CDH23: variants seen among roughly 807,000 people sequenced by gnomAD.
CDH23 encodes the protein cadherin-23.
In CDH23, 189 loss-of-function variants were observed where a neutral mutation model predicts 317.1. The observed-to-expected ratio is 0.60, with a 90% CI of 0.53 to 0.67. The LOEUF (loss-of-function observed/expected upper bound fraction) is 0.67, where lower values mean the gene tolerates loss of function less well. Ranked by LOEUF, CDH23 falls within the 30% of genes least tolerant of loss-of-function variation. CDH23 has a pLI of 0.00. For synonymous variants in CDH23, 1,839 were observed against 1,876.8 expected, an observed-to-expected ratio of 0.98 and a Z score of 0.52; for missense variants, 4,401 against 4,592.4, an observed-to-expected ratio of 0.96 and a Z score of 1.20.
At chr10:71,743,718 A>C (rs984721628) in intron 38 of CDH23, among the ~76,000 whole-genome samples, 4 of 152,234 alleles carry the variant, frequency 2.6e-5, no homozygotes, top group Non-Finnish European at 5.9e-5. Context: ...ACCCCACTGC[A>C]CTTGGCTTCA....
chr10:71,461,042 A>G (rs1850955119), intron 3 of CDH23, among the ~76,000 whole-genome samples: 1 of 152,244 alleles, frequency 6.6e-6, no homozygotes. Flanking sequence ...ACACAGAGGC[A>G]TGAGGCCAGG....
intron 41 of CDH23, among the ~76,000 whole-genome samples, chr10:71,783,662 G>C (rs1841017317): frequency 6.6e-6 from 1 of 152,200 alleles, no homozygotes; most frequent in Admixed American, 6.5e-5. Context: ...AAACATCAAG[G>C]AAAGGAAATC....
chr10:71,679,575 G>A (rs1269285875), intron 17 of CDH23, 83 bp downstream of exon 17: 2 of 1,094,912 alleles, frequency 1.8e-6, no homozygotes, highest in East Asian at 2.6e-5. Context: ...GTGGGGATGA[G>A]GCGGGCACTC....
chr10:71,600,514 C>CT (rs538778849), intron 9 of CDH23, among the ~76,000 whole-genome samples: 4,669 of 125,220 alleles, frequency 0.037, 158 homozygotes, highest in African/African-American at 0.059. Flanking sequence ...GACCGCAGAA[C>CT]TTTTTTTTTT....
intron 6 of CDH23, among the ~76,000 whole-genome samples, chr10:71,522,515 C>T (rs1854757063): frequency 6.6e-6 from 1 of 152,186 alleles, no homozygotes; most frequent in Non-Finnish European, 1.5e-5. Context: ...GAGTTTGAAT[C>T]CTGCTCTTAC....
At chr10:71,592,426 T>C (rs141034795) in intron 9 of CDH23, among the ~76,000 whole-genome samples, 173 of 152,336 alleles carry the variant, frequency 1.1e-3, no homozygotes, top group Middle Eastern at 0.01. Flanking sequence ...GTGAGGCTTA[T>C]GGGGTTAAAA....
At chr10:71,738,353 G>A (rs1564767834) in intron 34 of CDH23, 145 bp from the exon 35 acceptor site, 2 of 910,186 alleles carry the variant, frequency 2.2e-6, no homozygotes, top group Non-Finnish European at 3.5e-6. Context: ...GTAAAGTCAG[G>A]ATAGGCTTCG....
At chr10:71,642,216 T>C (rs747641235) in intron 11 of CDH23, among the ~76,000 whole-genome samples, 1 of 151,994 alleles carries the variant, frequency 6.6e-6, no homozygotes, top group Non-Finnish European at 1.5e-5. Flanking sequence ...GCTCAGATGG[T>C]ACATCTCAGT....
At chr10:71,661,795 G>T in intron 14 of CDH23, among the ~76,000 whole-genome samples, 1 of 53,394 alleles carries the variant, frequency 1.9e-5, no homozygotes, top group South Asian at 1.0e-3. Context: ...CACCCTGCGC[G>T]CCCCCTCCCA....
intron 6 of CDH23, among the ~76,000 whole-genome samples, chr10:71,548,191 G>T (rs949277405): frequency 5.3e-5 from 8 of 152,250 alleles, no homozygotes; most frequent in African/African-American, 1.9e-4. Flanking sequence ...CAGCCTGCGG[G>T]GGCCTGCTGC....
At chr10:71,591,964 T>A (rs201645048) in intron 9 of CDH23, among the ~76,000 whole-genome samples, 1 of 151,942 alleles carries the variant, frequency 6.6e-6, no homozygotes, top group Non-Finnish European at 1.5e-5. Flanking sequence ...GGAGAGGCTG[T>A]GATGAGCAAA....
rs1322293817 is a variant in CDH23 at position 71,705,039 on chromosome 10, C to T, written c.2862C>T (p.Asp954=). ...TGGTGGTCACCACCACCGAGCTGGA[C>T]CGCGAGCGCATCGCGGAGTACCAGC... ...SGVVVTTTEL[D]RERIAEYQLR... The change falls in exon 25 of 70, where the codon GAC becomes GAT. Residue 954 remains aspartate (D), a synonymous_variant. Coordinates refer to ENST00000224721, the MANE Select transcript of CDH23 (RefSeq NM_022124.6). The T allele has an allele frequency of 3.1e-6, 5 of 1,612,714 alleles. No individual in the cohort carries two copies. Among genetic ancestry groups the T allele is most frequent in the Non-Finnish European group, 4.2e-6 (5 of 1,179,838 alleles).
intron 1 of CDH23, among the ~76,000 whole-genome samples, chr10:71,436,469 T>C (rs1227572079): frequency 6.6e-6 from 1 of 152,212 alleles, no homozygotes; most frequent in Non-Finnish European, 1.5e-5. Flanking sequence ...TCTTCCCCTC[T>C]TACAAAGTCA....
intron 6 of CDH23, among the ~76,000 whole-genome samples, chr10:71,565,194 T>A (rs1009484548): frequency 6.6e-6 from 1 of 151,564 alleles, no homozygotes; most frequent in African/African-American, 2.4e-5. Context: ...CAGAAAGATC[T>A]CCTTAAGGTG....
chr10:71,582,188 G>C (rs1056193276), intron 9 of CDH23, among the ~76,000 whole-genome samples: 6 of 152,322 alleles, frequency 3.9e-5, no homozygotes, highest in Non-Finnish European at 8.8e-5. Flanking sequence ...GGCAGTGGTT[G>C]AGAGTACAGG....
In CDH23 at chr10:71,524,663, G is replaced by A. The variant is rs1395453674; in HGVS notation, c.429+13451G>A. 5.3e-5 allele frequency among the ~76,000 whole-genome samples: 8 copies of A among 152,208 alleles called. 1 individual carries two copies. The East Asian group carries it at 1.5e-3, about 29-fold the overall frequency. ...GGATTTTGCGGTTAAGGACCTCTCT[G>A]TGAGGCCTCTGTAATCACCAGGGTC... On this transcript the variant is annotated intron_variant, in intron 6 of 69. Transcript: ENST00000224721.
intron 9 of CDH23, among the ~76,000 whole-genome samples, chr10:71,585,155 C>T (rs556350290): frequency 6.6e-6 from 1 of 152,136 alleles, no homozygotes; most frequent in African/African-American, 2.4e-5. Flanking sequence ...CGTACAGGAA[C>T]CGAGTCAGCA....
intron 6 of CDH23, among the ~76,000 whole-genome samples, chr10:71,549,886 C>A (rs1856487254): frequency 6.6e-6 from 1 of 152,112 alleles, no homozygotes; most frequent in Non-Finnish European, 1.5e-5. Context: ...CGGGGAGGTT[C>A]CTTTCTTGAC....
chr10:71,695,358 G>C, intron 21 of CDH23, 60 bp from the exon 22 acceptor site: 2 of 1,206,940 alleles, frequency 1.7e-6, no homozygotes, highest in African/African-American at 1.5e-5. Flanking sequence ...TCCCCTGGCA[G>C]GCCCTGCCCT....
Sources: gnomAD v4.1 joint callset for allele counts (sites outside exome capture counted in the v4.1 genomes callset) on GRCh38, gnomAD v4.1.1 for gene constraint, MANE v1.5 for transcripts, NCBI Gene and HGNC (gene_info 2026-07-23, HGNC 2026-07-21) for gene names.